Variants in TBX5 observed in about 807,000 individuals in gnomAD.
The protein encoded by TBX5 is T-box transcription factor 5.
Under a neutral mutation model 51.1 loss-of-function variants are expected in TBX5, and 8 were observed. The observed-to-expected ratio is 0.16, with a 90% CI of 0.09 to 0.28. TBX5 has a LOEUF of 0.28. Among genes scored for constraint, TBX5 ranks in the 10% least tolerant of loss-of-function variants. The pLI is 1.00. For missense variants in TBX5, 589 were observed against 671.7 expected (o/e 0.88, Z 1.36); for synonymous variants, 302 against 266.4 (o/e 1.13, Z -1.30).
At position 114,355,802 on chromosome 12, in the gene TBX5, G is replaced by A. The variant is rs1349943388; in HGVS notation, c.1287C>T (p.His429=). ...GAGGGACCAGGGGCCCCGAGGTGAA[G>A]TGAGCGGAGAAGTGCTGGTAGGGTA... The part of the protein sequence containing the change: ...DRLPYQHFSA[H]FTSGPLVPRL... Residue 429 remains histidine, a synonymous_variant, in exon 9 of 9, where the codon CAC becomes CAT. Coordinates refer to ENST00000405440, the MANE Select transcript of TBX5 (RefSeq NM_181486.4). The A allele has an allele frequency of 3.1e-6, 5 of 1,614,064 alleles. No individual in the cohort carries two copies. Among genetic ancestry groups the A allele is most frequent in the Non-Finnish European group, 4.2e-6 (5 of 1,180,050 alleles).
At chr12:114,388,974 G>A (rs111702238) in intron 6 of TBX5, among the ~76,000 whole-genome samples, 36,656 of 151,816 alleles carry the variant, frequency 0.24, 4,701 homozygotes, top group South Asian at 0.34. Flanking sequence ...TGTCACCCAG[G>A]CTGGGGTGCA....
chr12:114,395,952 G>T (rs1871389957), intron 5 of TBX5, among the ~76,000 whole-genome samples: 1 of 152,082 alleles, frequency 6.6e-6, no homozygotes, highest in African/African-American at 2.4e-5. Flanking sequence ...TTACCAGAAC[G>T]CTCTGACACA....
At chr12:114,370,638 C>CCTCTCTCTCT (rs142620191) in intron 7 of TBX5, among the ~76,000 whole-genome samples, 10 of 146,868 alleles carry the variant, frequency 6.8e-5, no homozygotes, top group Admixed American at 2.0e-4. Context: ...ATGATCTCTC[C>CCTCTCTCTCT]CTCTCTCTCT....
chr12:114,407,375 C>G (rs573810846), upstream of TBX5, among the ~76,000 whole-genome samples: 2 of 152,116 alleles, frequency 1.3e-5, no homozygotes, highest in African/African-American at 4.8e-5. Flanking sequence ...GACCCTAGGC[C>G]GAAGACACGA....
At chr12:114,382,969 C>T (rs1870591657) in intron 7 of TBX5, among the ~76,000 whole-genome samples, 2 of 132,086 alleles carry the variant, frequency 1.5e-5, no homozygotes, top group South Asian at 5.6e-4. Flanking sequence ...AGAGTGAGAC[C>T]CTGTCTCCAA....
rs778011764 is a variant in TBX5, at chr12:114,356,050, G to T, written c.1039C>A (p.Pro347Thr). The change falls in exon 9 of 9, where the codon CCC becomes ACC. Residue 347 changes from proline (P) to threonine (T), a missense_variant. Around this residue, in one of 7 missense-constraint regions of TBX5, gnomAD observed 348 missense variants for 360.4 expected, o/e 0.97. Coordinates refer to ENST00000405440, the MANE Select transcript of TBX5 (RefSeq NM_181486.4). ...PYKKPYMETS[P>T]SEEDSFYRSS... ...CGGTAGAAGGAATCTTCTTCACTGG[G>T]TGATGTCTCCATGTAGGGCTTCTTA... The T allele has an allele frequency of 6.2e-7, 1 of 1,614,050 alleles. No homozygotes were observed. Among genetic ancestry groups the T allele is most frequent in the Non-Finnish European group, 8.5e-7 (1 of 1,180,040 alleles).
Position 114,355,510 on chromosome 12 carries a change from CTG to C in TBX5, c.*20_*21del, listed in dbSNP as rs763422136. The C allele has an allele frequency of 6.2e-7, 1 of 1,613,150 alleles. No individual in the cohort carries two copies. Among genetic ancestry groups the C allele is most frequent in the South Asian group, 1.1e-5 (1 of 90,820 alleles). On this transcript the variant is annotated 3_prime_UTR_variant, in exon 9 of 9. Transcript: ENST00000405440. ...CTCTCTCTCTTTCTCTAGGAAATGT[CTG>C]TTGTGAAGCAGGCCTCACTTTAGCT...
At chr12:114,361,156 C>T (rs1291677923) in intron 8 of TBX5, among the ~76,000 whole-genome samples, 1 of 152,148 alleles carries the variant, frequency 6.6e-6, no homozygotes, top group East Asian at 1.9e-4. Flanking sequence ...TAAAATCTAA[C>T]CCTGTCTCTT....
intron 5 of TBX5, among the ~76,000 whole-genome samples, chr12:114,395,204 A>G (rs1038965450): frequency 1.3e-5 from 2 of 152,270 alleles, no homozygotes; most frequent in African/African-American, 4.8e-5. Flanking sequence ...CCCACCCCCA[A>G]CGGGAGCTGA....
Position 114,358,777 on chromosome 12 carries a change from T to TTTG in TBX5, c.983-2672_983-2671insCAA, listed in dbSNP as rs112376095. 5.3e-5 allele frequency among the ~76,000 whole-genome samples: 8 copies of TTTG among 150,698 alleles called. No individual in the cohort carries two copies. The East Asian group carries it at 5.9e-4, about 11-fold the overall frequency. ...TCACCTTTTAACTGTGCGGGGTTTT[T>TTTG]TTTGTTTGTTTGTTTGTTTGTTTGT... On this transcript the variant is annotated intron_variant, in intron 8 of 8. Transcript: ENST00000405440.
At chr12:114,364,428 T>C (rs1394058554) in intron 8 of TBX5, among the ~76,000 whole-genome samples, 1 of 152,216 alleles carries the variant, frequency 6.6e-6, no homozygotes, top group Non-Finnish European at 1.5e-5. Context: ...ACCAAGCCTA[T>C]GAGACAAGTC....
chr12:114,375,126 A>G lies in TBX5; in HGVS notation c.756-8735T>C, dbSNP rs1446951929. On this transcript the variant is annotated intron_variant, in intron 7 of 8. Transcript: ENST00000405440. ...TGTGAGTTGAGTACTAAGTAGAGAA[A>G]AGGGTTGCCTTTTGTGTAAAATGGC... Among the ~76,000 whole-genome samples the G allele has an allele frequency of 3.3e-5, 5 of 152,314 alleles. No homozygotes were observed. In the East Asian group the frequency reaches 7.7e-4, roughly 23 times the overall value.
intron 6 of TBX5, among the ~76,000 whole-genome samples, chr12:114,387,438 A>G (rs1870878667): frequency 6.6e-6 from 1 of 152,244 alleles, no homozygotes; most frequent in Non-Finnish European, 1.5e-5. Context: ...TATGATTCCA[A>G]CTATACAACA....
intron 7 of TBX5, among the ~76,000 whole-genome samples, chr12:114,378,756 A>G (rs1002356599): frequency 6.6e-6 from 1 of 151,356 alleles, no homozygotes; most frequent in Admixed American, 6.6e-5. Flanking sequence ...CCCACCTCAG[A>G]CTCCCAAGTA....
intron 8 of TBX5, among the ~76,000 whole-genome samples, chr12:114,360,283 C>G (rs1366404630): frequency 6.6e-6 from 1 of 151,692 alleles, no homozygotes; most frequent in African/African-American, 2.4e-5. Flanking sequence ...TTCACGCAAC[C>G]CTACATGCTC....
intron 8 of TBX5, 120 bp from the exon 9 acceptor site, chr12:114,356,226 G>A (rs567939875): frequency 1.9e-5 from 19 of 982,230 alleles, no homozygotes; most frequent in African/African-American, 1.6e-4. Flanking sequence ...AGCCCTAACC[G>A]CCATTCTGAA....
chr12:114,378,558 A>T (rs4113924), intron 7 of TBX5, among the ~76,000 whole-genome samples: 17,159 of 152,252 alleles, frequency 0.11, 1,138 homozygotes, highest in South Asian at 0.21. Context: ...GCGTCGACGA[A>T]TTCCTTGACA....
At chr12:114,392,707 A>G (rs1871226808) in intron 6 of TBX5, among the ~76,000 whole-genome samples, 1 of 98,022 alleles carries the variant, frequency 1.0e-5, no homozygotes, top group Non-Finnish European at 2.1e-5. Context: ...GGAAGAATTG[A>G]GCTTCCTTAT....
intron 2 of TBX5, among the ~76,000 whole-genome samples, chr12:114,402,731 G>A (rs573995254): frequency 1.5e-4 from 23 of 151,872 alleles, no homozygotes; most frequent in Middle Eastern, 3.4e-3. Flanking sequence ...ATACATATGT[G>A]CACACACACA....
Sources: gnomAD v4.1 joint callset for allele counts (sites outside exome capture counted in the v4.1 genomes callset) on GRCh38, gnomAD v4.1.1 for gene constraint, gnomAD v4.1.1 regional missense constraint, MANE v1.5 for transcripts, NCBI Gene and HGNC (gene_info 2026-07-23, HGNC 2026-07-21) for gene names.